The following CALB1 variants were observed in gnomAD, a reference collection of about 807,000 sequenced individuals.
CALB1 encodes the protein calbindin 1.
A neutral mutation model predicts 46.7 loss-of-function variants in CALB1; 16 were observed. The observed-to-expected ratio is 0.34, with a 90% CI of 0.23 to 0.52. The LOEUF (loss-of-function observed/expected upper bound fraction) is 0.52. CALB1 is among the 20% of genes least tolerant of loss of function. The pLI is 0.95. For synonymous variants in CALB1, 90 were observed against 112.8 expected, an observed-to-expected ratio of 0.80 and a Z score of 1.28; for missense variants, 224 against 300.3, an observed-to-expected ratio of 0.75 and a Z score of 1.88.
chr8:90,071,219 T>A (rs1252500325), intron 3 of CALB1, among the ~76,000 whole-genome samples: 1 of 152,206 alleles, frequency 6.6e-6, no homozygotes, highest in African/African-American at 2.4e-5. Flanking sequence ...GACAATGAGA[T>A]AGTTTAAATA....
At chr8:90,075,905 C>T (rs191579932) in intron 3 of CALB1, among the ~76,000 whole-genome samples, 91 of 152,100 alleles carry the variant, frequency 6.0e-4, no homozygotes, top group Middle Eastern at 3.4e-3. Flanking sequence ...GTTCTAAAAT[C>T]GGAATGAGAT....
intron 3 of CALB1, among the ~76,000 whole-genome samples, chr8:90,072,107 C>A (rs1814533195): frequency 6.6e-6 from 1 of 151,920 alleles, no homozygotes; most frequent in African/African-American, 2.4e-5. Flanking sequence ...GTGTGTGTTG[C>A]TTTGAACAAA....
At position 90,082,218 on chromosome 8, in the gene CALB1, G is replaced by A. The variant is rs565172285; in HGVS notation, c.80-116C>T. ...CCGAGAGGCTCTCTCTTGCCTGGAC[G>A]TTGATTAACCAGCAAAGTGTACAGA... On this transcript the variant is annotated intron_variant, in intron 1 of 10. Coordinates refer to ENST00000265431, the MANE Select transcript of CALB1 (RefSeq NM_004929.4). 29 of 872,384 alleles carry A rather than the reference G, an allele frequency of 3.3e-5. No individual in the cohort carries two copies. The East Asian group carries it at 4.1e-4, about 12-fold the overall frequency. The allele number at this position is 872,384 out of a possible 1,614,324, so 54.0% of individuals were successfully genotyped here. A position where few individuals can be genotyped will look rare whatever the true frequency, so the allele number is the denominator to read the frequency against.
At chr8:90,067,554 C>T (rs927123380) in intron 5 of CALB1, among the ~76,000 whole-genome samples, 17 of 152,172 alleles carry the variant, frequency 1.1e-4, no homozygotes, top group Admixed American at 9.8e-4. Context: ...AGTGACTTCA[C>T]ATTAAAAACG....
At chr8:90,076,240 C>T (rs1028079184) in intron 3 of CALB1, among the ~76,000 whole-genome samples, 1 of 152,074 alleles carries the variant, frequency 6.6e-6, no homozygotes, top group African/African-American at 2.4e-5. Context: ...AACTTAGAAA[C>T]TTGCCATAAG....
intron 10 of CALB1, 56 bp downstream of exon 10, chr8:90,060,573 T>G: frequency 7.3e-7 from 1 of 1,372,514 alleles, no homozygotes; most frequent in Non-Finnish European, 1.0e-6. Context: ...GCTGTTGGTT[T>G]TGGATGGATC....
chr8:90,060,141 G>T lies in CALB1; in HGVS notation c.*32C>A. 1 of 1,199,784 alleles carries T rather than the reference G, an allele frequency of 8.3e-7. No individual in the cohort carries two copies. The highest frequency in any genetic ancestry group is 2.3e-5 in the East Asian group (1 of 42,990). 74.3% of individuals were successfully genotyped at this position (1,199,784 alleles called of 1,614,324 possible). ...TGCACAGTTATTTTTTAGATACAGT[G>T]TATCACTAGCAAGTGGTTGCGGCCA... On this transcript the variant is annotated 3_prime_UTR_variant, in exon 11 of 11. Coordinates refer to ENST00000265431, the MANE Select transcript of CALB1 (RefSeq NM_004929.4).
intron 2 of CALB1, among the ~76,000 whole-genome samples, chr8:90,079,747 C>T (rs905098181): frequency 6.6e-6 from 1 of 151,904 alleles, no homozygotes; most frequent in African/African-American, 2.4e-5. Context: ...AGACCAAACA[C>T]TATGTTTAGT....
At chr8:90,063,955 C>T (rs3026287) in intron 6 of CALB1, 6,183 of 153,488 alleles carry the variant, frequency 0.04, 297 homozygotes, top group East Asian at 0.2. Flanking sequence ...CTCCATAAAG[C>T]TCTCCAACTC....
At chr8:90,079,174 G>C (rs10098170) in intron 2 of CALB1, among the ~76,000 whole-genome samples, 1 of 151,676 alleles carries the variant, frequency 6.6e-6, no homozygotes, top group African/African-American at 2.4e-5. Flanking sequence ...TCTATTCTAC[G>C]TCCTTGGGAA....
chr8:90,073,241 G>A (rs112109294), intron 3 of CALB1, among the ~76,000 whole-genome samples: 23 of 152,218 alleles, frequency 1.5e-4, no homozygotes, highest in African/African-American at 5.3e-4. Flanking sequence ...TGTGAATAGG[G>A]GTTGGGGTGG....
At chr8:90,075,115 A>G (rs779232173) in intron 3 of CALB1, among the ~76,000 whole-genome samples, 1 of 152,202 alleles carries the variant, frequency 6.6e-6, no homozygotes, top group Non-Finnish European at 1.5e-5. Flanking sequence ...GGATTTTTAA[A>G]TCTATTTAAA....
chr8:90,064,431 A>G (rs1814354530), intron 6 of CALB1: 1 of 151,742 alleles, frequency 6.6e-6, no homozygotes, highest in African/African-American at 2.4e-5. Flanking sequence ...ATATTTCCCA[A>G]CATATATATT....
intron 5 of CALB1, among the ~76,000 whole-genome samples, chr8:90,068,233 C>A (rs758402350): frequency 6.6e-6 from 1 of 152,138 alleles, no homozygotes; most frequent in Non-Finnish European, 1.5e-5. Context: ...TTATTACACT[C>A]ATTTTAAAGA....
intron 1 of CALB1, 117 bp from the exon 2 acceptor site, chr8:90,082,219 T>A: frequency 2.3e-6 from 2 of 857,584 alleles, no homozygotes; most frequent in East Asian, 4.9e-5. Context: ...TGCCTGGACG[T>A]TGATTAACCA....
chr8:90,075,735 T>C (rs1183209955), intron 3 of CALB1, among the ~76,000 whole-genome samples: 2 of 152,110 alleles, frequency 1.3e-5, no homozygotes, highest in Non-Finnish European at 2.9e-5. Flanking sequence ...TTCTCTTTTC[T>C]TCACTCTTAA....
At position 90,063,421 on chromosome 8, in the gene CALB1, A is replaced by C. The variant is rs756726610; in HGVS notation, c.491T>G (p.Leu164Ter). 1 of 1,610,950 alleles carries C rather than the reference A, an allele frequency of 6.2e-7. No homozygotes were observed. Among genetic ancestry groups the C allele is most frequent in the Non-Finnish European group, 8.5e-7 (1 of 1,177,906 alleles). The change falls in exon 7 of 11, where the codon TTA becomes TGA. Residue 164 changes from leucine (L) to a stop codon, truncating the protein, a stop_gained. Transcript: ENST00000265431. LOFTEE classifies it high-confidence loss of function. ...CTAAACTCACCTGGCCATCTCAGTT[A>C]ATTCCAGCTTCCCATCATTATTTGA... ...FDSNNDGKLE[L>*]TEMARLLPVQ...
At chr8:90,081,469 CAAT>C (rs1241146763) in intron 2 of CALB1, 1 of 984,614 alleles carries the variant, frequency 1.0e-6, no homozygotes, top group African/African-American at 1.7e-5. Flanking sequence ...AACATCACAA[CAAT>C]AATAATTGGT....
chr8:90,064,986 A>G (rs1453053798), intron 6 of CALB1, among the ~76,000 whole-genome samples: 5 of 151,892 alleles, frequency 3.3e-5, no homozygotes, highest in African/African-American at 1.2e-4. Flanking sequence ...GTAATTAAAA[A>G]GTCTAACTCC....
Sources: allele counts gnomAD v4.1 joint callset (sites outside exome capture counted in the v4.1 genomes callset), GRCh38; gene constraint gnomAD v4.1.1; transcripts MANE v1.5; gene names NCBI Gene and HGNC (gene_info 2026-07-23, HGNC 2026-07-21).